RBFOX1: variants seen among roughly 807,000 people sequenced by gnomAD.
RBFOX1 encodes RNA binding fox-1 homolog 1, also known as RNA binding protein fox-1 homolog 1.
Under a neutral mutation model 57.7 loss-of-function variants are expected in RBFOX1, and 8 were observed. The ratio of observed to expected loss-of-function variants is 0.14; its 90% CI spans 0.08 to 0.25. The LOEUF (loss-of-function observed/expected upper bound fraction) is 0.25. Ranked by LOEUF, RBFOX1 falls within the 10% of genes least tolerant of loss-of-function variation. RBFOX1 has a pLI of 1.00. For synonymous variants in RBFOX1, 326 were observed against 222.4 expected, an observed-to-expected ratio of 1.47 and a Z score of -4.15; for missense variants, 611 against 548.5, an observed-to-expected ratio of 1.11 and a Z score of -1.14.
intron 4 of RBFOX1, among the ~76,000 whole-genome samples, chr16:7,276,577 T>A (rs979378705): frequency 1.3e-5 from 2 of 152,138 alleles, no homozygotes; most frequent in Admixed American, 1.3e-4. Flanking sequence ...TTTTTCTGCC[T>A]CCTAGGGGAT....
At chr16:6,774,286 C>A (rs566490154) in intron 3 of RBFOX1, among the ~76,000 whole-genome samples, 1 of 152,218 alleles carries the variant, frequency 6.6e-6, no homozygotes, top group African/African-American at 2.4e-5. Flanking sequence ...TCTATTCCCT[C>A]CCAGGTGAGA....
Position 7,390,284 on chromosome 16 carries a change from A to G in RBFOX1, c.28-127863A>G, listed in dbSNP as rs567944485. Among the ~76,000 whole-genome samples, 46 of 152,298 alleles carry G rather than the reference A, an allele frequency of 3.0e-4. 1 individual carries two copies. The highest frequency in any genetic ancestry group is 9.6e-4 in the African/African-American group (40 of 41,578). The stretch of plus-strand genomic sequence containing the variant: ...GAGGGACACACAGCCAAACCATATC[A>G]GGGGTCTAGAAAGGTAAACCAATTT... On this transcript the variant is annotated intron_variant, in intron 4 of 15. Coordinates refer to ENST00000550418, the MANE Select transcript of RBFOX1 (RefSeq NM_018723.4).
At chr16:7,283,277 G>A (rs984883757) in intron 4 of RBFOX1, among the ~76,000 whole-genome samples, 2 of 151,682 alleles carry the variant, frequency 1.3e-5, no homozygotes, top group Admixed American at 6.6e-5. Flanking sequence ...CCAGCTTTCA[G>A]TTTTCCATGG....
intron 3 of RBFOX1, among the ~76,000 whole-genome samples, chr16:6,862,243 C>G (rs944526228): frequency 2.0e-5 from 3 of 152,024 alleles, no homozygotes; most frequent in Non-Finnish European, 2.9e-5. Context: ...ACATAAGAAA[C>G]CCAGAGTCCT....
intron 2 of RBFOX1, among the ~76,000 whole-genome samples, chr16:6,591,025 C>T (rs2097702736): frequency 6.6e-6 from 1 of 152,092 alleles, no homozygotes; most frequent in African/African-American, 2.4e-5. Context: ...TTGGCACTTG[C>T]AAGATGTGGA....
chr16:7,450,026 C>T (rs1185079401), intron 4 of RBFOX1, among the ~76,000 whole-genome samples: 3 of 152,050 alleles, frequency 2.0e-5, no homozygotes, highest in Non-Finnish European at 4.4e-5. Context: ...AGCCTTGTGG[C>T]AGCTTTTCTG....
At chr16:7,104,453 C>G (rs530029374) in intron 4 of RBFOX1, among the ~76,000 whole-genome samples, 1 of 152,172 alleles carries the variant, frequency 6.6e-6, no homozygotes, top group Admixed American at 6.6e-5. Context: ...GAAATTGATT[C>G]TAATTCATGG....
At chr16:7,595,698 C>A in intron 8 of RBFOX1, 57 bp downstream of exon 8, 1 of 1,431,692 alleles carries the variant, frequency 7.0e-7, no homozygotes. Flanking sequence ...GCTTCACGCT[C>A]ATTCGTTGTT....
intron 2 of RBFOX1, among the ~76,000 whole-genome samples, chr16:6,558,186 G>A (rs575655335): frequency 2.6e-5 from 4 of 152,268 alleles, no homozygotes; most frequent in African/African-American, 7.2e-5. Flanking sequence ...GAGCTGGAGC[G>A]TAACGTGCAG....
intron 1 of RBFOX1, among the ~76,000 whole-genome samples, chr16:5,293,659 A>G (rs2063588952): frequency 6.6e-6 from 1 of 152,116 alleles, no homozygotes; most frequent in Non-Finnish European, 1.5e-5. Flanking sequence ...TTTGGTTATT[A>G]TGTATGTTAC....
At chr16:6,184,227 G>T (rs373669816) in intron 1 of RBFOX1, among the ~76,000 whole-genome samples, 2 of 152,270 alleles carry the variant, frequency 1.3e-5, no homozygotes, top group East Asian at 3.9e-4. Flanking sequence ...GGGAACTACA[G>T]TTCAAGATGA....
At chr16:6,522,154 A>AGTGTGTGTGTGTGTGT (rs35360830) in intron 2 of RBFOX1, among the ~76,000 whole-genome samples, 5 of 142,762 alleles carry the variant, frequency 3.5e-5, no homozygotes, top group African/African-American at 1.3e-4. Flanking sequence ...GGGGACCCAC[A>AGTGTGTGTGTGTGTGT]GTGTGTGTGT....
At chr16:6,733,296 T>C (rs1384753331) in intron 3 of RBFOX1, among the ~76,000 whole-genome samples, 3 of 152,134 alleles carry the variant, frequency 2.0e-5, no homozygotes, top group Non-Finnish European at 2.9e-5. Flanking sequence ...CTTGGGATGA[T>C]AGAAACAGAA....
At position 6,166,094 on chromosome 16, in the gene RBFOX1, G is replaced by C. The variant is rs76120803; in HGVS notation, c.-127+146102G>C. 4.9e-3 allele frequency among the ~76,000 whole-genome samples: 748 copies of C among 152,202 alleles called. 4 individuals carry two copies. The highest frequency in any genetic ancestry group is 0.017 in the African/African-American group (707 of 41,530). On this transcript the variant is annotated intron_variant, in intron 1 of 15. Transcript: ENST00000550418. ...AGTGTAGTCTTTTCTCTTCCTACTC[G>C]AATTGGTAAAAATAAATAATCAAGA...
At chr16:6,192,759 G>A (rs1449082891) in intron 1 of RBFOX1, among the ~76,000 whole-genome samples, 3 of 152,132 alleles carry the variant, frequency 2.0e-5, no homozygotes, top group Admixed American at 6.5e-5. Context: ...GGATGAGTCA[G>A]TAAGATTATG....
chr16:6,352,292 T>G (rs921984345), intron 2 of RBFOX1, among the ~76,000 whole-genome samples: 1 of 152,152 alleles, frequency 6.6e-6, no homozygotes, highest in Non-Finnish European at 1.5e-5. Context: ...GGTTGTTTCT[T>G]TTGTTGCTAG....
At chr16:6,319,501 C>T (rs1567928115) in intron 2 of RBFOX1, among the ~76,000 whole-genome samples, 1 of 152,158 alleles carries the variant, frequency 6.6e-6, no homozygotes, top group African/African-American at 2.4e-5. Flanking sequence ...TTCTTAACTC[C>T]TGATGGAGTA....
At chr16:7,240,254 G>C (rs543536385) in intron 4 of RBFOX1, among the ~76,000 whole-genome samples, 2 of 151,994 alleles carry the variant, frequency 1.3e-5, no homozygotes, top group Non-Finnish European at 2.9e-5. Flanking sequence ...GGTATGAGCC[G>C]ATGCATCCTG....
intron 3 of RBFOX1, among the ~76,000 whole-genome samples, chr16:7,006,839 G>C (rs545182622): frequency 3.9e-5 from 6 of 152,282 alleles, no homozygotes; most frequent in Non-Finnish European, 8.8e-5. Context: ...CTCCCAAGCA[G>C]TGGAATCACA....
Sources: gnomAD v4.1 joint callset for allele counts (sites outside exome capture counted in the v4.1 genomes callset) on GRCh38, gnomAD v4.1.1 for gene constraint, MANE v1.5 for transcripts, NCBI Gene and HGNC (gene_info 2026-07-23, HGNC 2026-07-21) for gene names.